The following RAET1E variants were observed in gnomAD, a reference collection of about 807,000 sequenced individuals.
The protein encoded by RAET1E is NKG2D ligand 4.
RAET1E carries 27 observed loss-of-function variants against 21.1 expected under a neutral mutation model. The observed-to-expected ratio is 1.28, with a 90% CI of 0.94 to 1.76. The LOEUF (loss-of-function observed/expected upper bound fraction) is 1.76, where lower values mean the gene tolerates loss of function less well. RAET1E is among the 40% of genes most tolerant of loss of function. The pLI, the probability that RAET1E is intolerant of heterozygous loss-of-function variation, is 0.00. For synonymous variants in RAET1E, 113 were observed against 115.0 expected, an observed-to-expected ratio of 0.98 and a Z score of 0.11; for missense variants, 310 against 311.3, an observed-to-expected ratio of 1.00 and a Z score of 0.03.
Position 149,888,581 on chromosome 6 carries a change from C to T in RAET1E, c.709G>A (p.Val237Ile), listed in dbSNP as rs2342767. 9.9e-5 allele frequency: 159 copies of T among 1,612,000 alleles called. 1 individual carries two copies. The South Asian group carries it at 1.7e-3, about 17-fold the overall frequency. Residue 237 changes from valine (V) to isoleucine (I), a missense_variant, in exon 6 of 6, where the codon GTT becomes ATT. By Grantham distance (29) the Val-to-Ile change is conservative. Coordinates refer to ENST00000357183, the MANE Select transcript of RAET1E (RefSeq NM_001394057.1). ...WIILGAFILL[V>I]LMGIVLICVW... is the part of the protein sequence containing the mutation. ...CAGATGAGAACAATTCCCATTAAAA[C>T]TAACAGGATGAATGCCCCCAGGATG... is the stretch of plus-strand genomic sequence containing the variant.
chr6:149,897,611 A>G (rs1229890301), intron 1 of RAET1E, among the ~76,000 whole-genome samples: 1 of 152,182 alleles, frequency 6.6e-6, no homozygotes, highest in East Asian at 1.9e-4. Flanking sequence ...TAGGAATGCC[A>G]AGGCCCGGCA....
intron 2 of RAET1E, among the ~76,000 whole-genome samples, chr6:149,893,305 T>G (rs1197378168): frequency 6.6e-6 from 1 of 152,244 alleles, no homozygotes; most frequent in African/African-American, 2.4e-5. Flanking sequence ...ATGGCCATTT[T>G]CACGATATTA....
rs1241966980 is a variant in RAET1E, at chr6:149,883,271, A to T, written c.*5227T>A. 6.6e-6 allele frequency: 1 copy of T among 152,188 alleles called. No homozygotes were observed. The highest frequency in any genetic ancestry group is 1.5e-5 in the Non-Finnish European group (1 of 68,038). The allele number at this position is 152,188 out of a possible 1,614,324, so 9.4% of individuals were successfully genotyped here. ...ACCATATCATCACTGAGAATGGAGGAGAAAAAGAAAGATTTCCATATTACA... is the reference window on the plus strand; with the variant it reads ...ACCATATCATCACTGAGAATGGAGGTGAAAAAGAAAGATTTCCATATTACA... On this transcript the variant is annotated 3_prime_UTR_variant, in exon 6 of 6. Transcript: ENST00000357183.
In RAET1E at chr6:149,888,119, C is replaced by G. The variant is rs550075736; in HGVS notation, c.*379G>C. On this transcript the variant is annotated 3_prime_UTR_variant, in exon 6 of 6. Transcript: ENST00000357183. ...TCTTATACCACATCTTGTATGTTAT[C>G]TGGGAGTAAATGCTGCAGCCACAAG... The G allele has an allele frequency of 4.4e-5, 22 of 498,034 alleles. No homozygotes were observed. The highest frequency in any genetic ancestry group is 4.2e-4 in the African/African-American group (22 of 51,840). 30.9% of individuals were successfully genotyped at this position (498,034 alleles called of 1,614,324 possible).
chr6:149,896,941 A>C (rs973255497), intron 1 of RAET1E, among the ~76,000 whole-genome samples: 27 of 152,332 alleles, frequency 1.8e-4, no homozygotes, highest in African/African-American at 6.3e-4. Flanking sequence ...GCCAACCTGA[A>C]GATGGGAAGG....
At position 149,884,413 on chromosome 6, in the gene RAET1E, C is replaced by T; in HGVS notation, c.*4085G>A. 7.3e-7 allele frequency: 1 copy of T among 1,378,380 alleles called. No individual in the cohort carries two copies. Among genetic ancestry groups the T allele is most frequent in the South Asian group, 1.2e-5 (1 of 80,960 alleles). 85.4% of individuals were successfully genotyped at this position (1,378,380 alleles called of 1,614,324 possible). On this transcript the variant is annotated 3_prime_UTR_variant, in exon 6 of 6. Transcript: ENST00000357183. Reference sequence around the variant, plus strand: ...CCGCCTCCACTTGACTCAGGGAACACACAGCAGTGGGAGCCAAGGCTGTCA... The same window carrying T: ...CCGCCTCCACTTGACTCAGGGAACATACAGCAGTGGGAGCCAAGGCTGTCA...
chr6:149,887,785 T>C lies in RAET1E; in HGVS notation c.*713A>G, dbSNP rs1272294025. Among the ~76,000 whole-genome samples, 1 of 152,102 alleles carries C rather than the reference T, an allele frequency of 6.6e-6. No homozygotes were observed. Among genetic ancestry groups the C allele is most frequent in the Non-Finnish European group, 1.5e-5 (1 of 68,016 alleles). ...AAATGTTGAGGTCTGCCTGGGTCAA[T>C]TTAGAGAAGACACTATGAGGACAAA... On this transcript the variant is annotated 3_prime_UTR_variant, in exon 6 of 6. Coordinates refer to ENST00000357183, the MANE Select transcript of RAET1E (RefSeq NM_001394057.1).
chr6:149,894,204 T>C (rs1185642118), intron 2 of RAET1E, among the ~76,000 whole-genome samples: 1 of 152,236 alleles, frequency 6.6e-6, no homozygotes, highest in Non-Finnish European at 1.5e-5. Flanking sequence ...GCTGGCCTCA[T>C]AAAATGAGTT....
chr6:149,891,830 C>T lies in RAET1E; in HGVS notation c.-133-796G>A, dbSNP rs1223130106. The stretch of plus-strand genomic sequence containing the variant: ...TGCCCTGGTAGTTTGCTGCACCCAT[C>T]AACCCATCACCTACATTAGGTATTT... On this transcript the variant is annotated intron_variant, in intron 2 of 5. Coordinates refer to ENST00000357183, the MANE Select transcript of RAET1E (RefSeq NM_001394057.1). 4.6e-5 allele frequency among the ~76,000 whole-genome samples: 7 copies of T among 152,140 alleles called. No homozygotes were observed. The East Asian group carries it at 9.6e-4, about 21-fold the overall frequency.
intron 1 of RAET1E, among the ~76,000 whole-genome samples, chr6:149,896,644 TTGTGTGTG>T (rs56944213): frequency 2.0e-5 from 3 of 148,686 alleles, no homozygotes; most frequent in African/African-American, 7.4e-5. Context: ...ATGTGTGTGT[TTGTGTGTG>T]TGTGTGTGTG....
chr6:149,892,917 T>C (rs535846708), intron 2 of RAET1E, among the ~76,000 whole-genome samples: 15 of 152,362 alleles, frequency 9.8e-5, no homozygotes, highest in African/African-American at 2.9e-4. Flanking sequence ...TTCAGTTTTC[T>C]GCATATGGCT....
At chr6:149,889,683 T>C (rs776016729) in intron 4 of RAET1E, 60 bp from the exon 5 acceptor site, 6 of 1,583,518 alleles carry the variant, frequency 3.8e-6, no homozygotes, top group East Asian at 2.2e-5. Flanking sequence ...CATCCTCCAA[T>C]AGGTCAAGTG....
At chr6:149,890,706 T>G (rs1430112751) in intron 3 of RAET1E, 111 bp downstream of exon 3, 1 of 741,314 alleles carries the variant, frequency 1.3e-6, no homozygotes, top group Non-Finnish European at 2.4e-6. Context: ...CACGTCATCC[T>G]TAAGAGCAGG....
In RAET1E at chr6:149,888,492, A is replaced by G; in HGVS notation, c.*6T>C. 1 of 1,612,426 alleles carries G rather than the reference A, an allele frequency of 6.2e-7. No homozygotes were observed. Among genetic ancestry groups the G allele is most frequent in the Non-Finnish European group, 8.5e-7 (1 of 1,179,464 alleles). ...CATGATTCACCTCTCTTGAGTCCTTACCAGACTAAGACGTCCTCAAGGGCC... is the reference window on the plus strand; with the variant it reads ...CATGATTCACCTCTCTTGAGTCCTTGCCAGACTAAGACGTCCTCAAGGGCC... On this transcript the variant is annotated 3_prime_UTR_variant, in exon 6 of 6. Transcript: ENST00000357183.
In RAET1E at chr6:149,888,403, A is replaced by T. The variant is rs1249643942; in HGVS notation, c.*95T>A. ...CTGCTGTGTAGTGTGGGGGCTCAAG[A>T]CTAAGGCAGTGCACCATTTCTGTGG... On this transcript the variant is annotated 3_prime_UTR_variant, in exon 6 of 6. Transcript: ENST00000357183. 9.5e-6 allele frequency: 14 copies of T among 1,466,066 alleles called. No homozygotes were observed. Among genetic ancestry groups the T allele is most frequent in the Admixed American group, 1.9e-5 (1 of 53,140 alleles). The allele number at this position is 1,466,066 out of a possible 1,614,324, so 90.8% of individuals were successfully genotyped here.
rs1777508226 is a variant in RAET1E, at chr6:149,884,134, C to G, written c.*4364G>C. 1 of 242,384 alleles carries G rather than the reference C, an allele frequency of 4.1e-6. No homozygotes were observed. Among genetic ancestry groups the G allele is most frequent in the African/African-American group, 2.2e-5 (1 of 45,000 alleles). 15.0% of individuals were successfully genotyped at this position (242,384 alleles called of 1,614,324 possible). ...ACACATAGAGGAGGGGGTGTTAGAA[C>G]CAGGTGGGCTGGTGGTAGGATCATA... On this transcript the variant is annotated 3_prime_UTR_variant, in exon 6 of 6. Coordinates refer to ENST00000357183, the MANE Select transcript of RAET1E (RefSeq NM_001394057.1).
chr6:149,886,195 T>C lies in RAET1E; in HGVS notation c.*2303A>G, dbSNP rs918026351. Reference sequence around the variant, plus strand: ...AGATTTTGATATTTTGTATTATCATTTTCATTCATTTCAAAATACTTTCTA... The same window carrying C: ...AGATTTTGATATTTTGTATTATCATCTTCATTCATTTCAAAATACTTTCTA... On this transcript the variant is annotated 3_prime_UTR_variant, in exon 6 of 6. Transcript: ENST00000357183. Among the ~76,000 whole-genome samples the C allele has an allele frequency of 5.9e-5, 9 of 152,240 alleles. No individual in the cohort carries two copies. The highest frequency in any genetic ancestry group is 5.2e-4 in the Admixed American group (8 of 15,280).
intron 4 of RAET1E, 55 bp downstream of exon 4, chr6:149,889,830 T>C: frequency 3.8e-6 from 6 of 1,584,526 alleles, no homozygotes; most frequent in Non-Finnish European, 5.2e-6. Context: ...ATCTGTGTTC[T>C]TCCCTCCCCT....
chr6:149,889,652 T>G lies in RAET1E; in HGVS notation c.347-29A>C. The stretch of plus-strand genomic sequence containing the variant: ...CAATCCAAACACAAAGCCATCATCC[T>G]CCACTCTTTGAGAAGTCCATCATCC... On this transcript the variant is annotated intron_variant, in intron 4 of 5. Transcript: ENST00000357183. 3.1e-6 allele frequency: 5 copies of G among 1,611,104 alleles called. No individual in the cohort carries two copies. In the South Asian group the frequency reaches 4.4e-5, roughly 14 times the overall value.
Sources: allele counts gnomAD v4.1 joint callset (sites outside exome capture counted in the v4.1 genomes callset), GRCh38; gene constraint gnomAD v4.1.1; transcripts MANE v1.5; gene names NCBI Gene and HGNC (gene_info 2026-07-23, HGNC 2026-07-21).